Variants in ST6GALNAC3 observed in about 807,000 individuals in gnomAD.
ST6GALNAC3 encodes ST6 N-acetylgalactosaminide alpha-2,6-sialyltransferase 3.
A neutral mutation model predicts 32.7 loss-of-function variants in ST6GALNAC3; 25 were observed. That is an observed-to-expected ratio of 0.76 (90% CI 0.56 to 1.07). ST6GALNAC3 has a LOEUF of 1.07. ST6GALNAC3 is among the 50% of genes least tolerant of loss of function. The pLI is 0.00. For synonymous variants in ST6GALNAC3, 129 were observed against 133.1 expected, an observed-to-expected ratio of 0.97 and a Z score of 0.21; for missense variants, 355 against 382.4, an observed-to-expected ratio of 0.93 and a Z score of 0.60.
rs35306096 is a variant in ST6GALNAC3, at chr1:76,282,866, T to TA, written c.19-30924dup. 1.9e-3 allele frequency among the ~76,000 whole-genome samples: 264 copies of TA among 139,336 alleles called. 3 individuals carry two copies. The highest frequency in any genetic ancestry group is 5.1e-3 in the African/African-American group (194 of 37,734). The allele number at this position is 139,336 out of a possible 152,430, so 91.4% of individuals were successfully genotyped here. ...CAACATGGTGACATCCCATCTCTAC[T>TA]AAAAAAAAAAAAAAATTCAAAAATT... is the stretch of plus-strand genomic sequence containing the variant. On this transcript the variant is annotated intron_variant, in intron 1 of 4. Transcript: ENST00000328299.
chr1:76,516,213 G>A (rs1381109702), intron 3 of ST6GALNAC3, among the ~76,000 whole-genome samples: 1 of 152,146 alleles, frequency 6.6e-6, no homozygotes, highest in Non-Finnish European at 1.5e-5. Context: ...AGGCCAAGAG[G>A]CCTTTCTGAT....
intron 3 of ST6GALNAC3, among the ~76,000 whole-genome samples, chr1:76,604,269 G>T (rs938302539): frequency 6.6e-6 from 1 of 152,128 alleles, no homozygotes; most frequent in African/African-American, 2.4e-5. Flanking sequence ...AGACGTTAAA[G>T]GTTCTGTAAT....
chr1:76,617,360 C>CT (rs564466397), intron 3 of ST6GALNAC3, among the ~76,000 whole-genome samples: 289 of 147,736 alleles, frequency 2.0e-3, no homozygotes, highest in Admixed American at 6.9e-3. Flanking sequence ...CTGTTACAAT[C>CT]TTTTTTTTTT....
At chr1:76,492,324 T>G (rs1210317442) in intron 3 of ST6GALNAC3, among the ~76,000 whole-genome samples, 2 of 152,036 alleles carry the variant, frequency 1.3e-5, no homozygotes, top group Non-Finnish European at 2.9e-5. Flanking sequence ...AATAGTAGAC[T>G]TAATGATGGT....
chr1:76,319,768 C>G (rs896294288), intron 2 of ST6GALNAC3, among the ~76,000 whole-genome samples: 10 of 152,166 alleles, frequency 6.6e-5, no homozygotes, highest in Non-Finnish European at 1.3e-4. Flanking sequence ...GAAAAGGAAA[C>G]AGCTAAATTA....
chr1:76,489,897 A>G (rs1360346206), intron 3 of ST6GALNAC3, among the ~76,000 whole-genome samples: 1 of 152,190 alleles, frequency 6.6e-6, no homozygotes, highest in Non-Finnish European at 1.5e-5. Flanking sequence ...TGTCCTCTTC[A>G]GAGATCCCCC....
At chr1:76,543,723 G>A (rs1664128322) in intron 3 of ST6GALNAC3, among the ~76,000 whole-genome samples, 1 of 152,054 alleles carries the variant, frequency 6.6e-6, no homozygotes, top group African/African-American at 2.4e-5. Context: ...GACTCACAAA[G>A]GCCATTTGCA....
chr1:76,510,023 A>G (rs921887329), intron 3 of ST6GALNAC3, among the ~76,000 whole-genome samples: 2 of 152,198 alleles, frequency 1.3e-5, no homozygotes, highest in Non-Finnish European at 2.9e-5. Context: ...TCCTTTAAGT[A>G]TCAGCCTGAC....
At chr1:76,286,269 G>A (rs1390779567) in intron 1 of ST6GALNAC3, among the ~76,000 whole-genome samples, 3 of 152,148 alleles carry the variant, frequency 2.0e-5, no homozygotes, top group African/African-American at 7.2e-5. Context: ...AGAAGCTTTG[G>A]GAGAAAGGTA....
chr1:76,292,325 A>T (rs534466672), intron 1 of ST6GALNAC3, among the ~76,000 whole-genome samples: 1 of 152,152 alleles, frequency 6.6e-6, no homozygotes, highest in African/African-American at 2.4e-5. Context: ...GAAATGATAC[A>T]CTGATACACC....
chr1:76,384,740 A>C (rs1439731625), intron 2 of ST6GALNAC3, among the ~76,000 whole-genome samples: 3 of 152,104 alleles, frequency 2.0e-5, no homozygotes, highest in Non-Finnish European at 4.4e-5. Context: ...AGATAATGAG[A>C]ACATACACTT....
intron 3 of ST6GALNAC3, among the ~76,000 whole-genome samples, chr1:76,499,706 C>G (rs527262061): frequency 6.6e-6 from 1 of 152,096 alleles, no homozygotes; most frequent in Non-Finnish European, 1.5e-5. Flanking sequence ...TAGAACCTCC[C>G]TCTTAGTGTG....
At chr1:76,095,240 G>A (rs537538410) in intron 1 of ST6GALNAC3, among the ~76,000 whole-genome samples, 2 of 152,058 alleles carry the variant, frequency 1.3e-5, no homozygotes, top group East Asian at 3.9e-4. Context: ...AATGAAATAA[G>A]ATGATATACT....
Position 76,351,641 on chromosome 1 carries a change from A to T in ST6GALNAC3, c.213+37642A>T, listed in dbSNP as rs191689838. Among the ~76,000 whole-genome samples, 465 of 152,226 alleles carry T rather than the reference A, an allele frequency of 3.1e-3. 3 individuals carry two copies. The highest frequency in any genetic ancestry group is 0.01 in the African/African-American group (427 of 41,544). The stretch of plus-strand genomic sequence containing the variant: ...CACTTTAGAATTAAAATATTGCCAA[A>T]TTTATTCTTATAATTAAAATTTTTT... On this transcript the variant is annotated intron_variant, in intron 2 of 4. Coordinates refer to ENST00000328299, the MANE Select transcript of ST6GALNAC3 (RefSeq NM_152996.4).
chr1:76,611,550 C>T (rs992637738), intron 3 of ST6GALNAC3, among the ~76,000 whole-genome samples: 3 of 152,184 alleles, frequency 2.0e-5, no homozygotes, highest in Admixed American at 1.3e-4. Flanking sequence ...ATACCCCTCT[C>T]CTCCCTTCAG....
chr1:76,446,243 A>G (rs944076050), intron 3 of ST6GALNAC3, among the ~76,000 whole-genome samples: 3 of 152,108 alleles, frequency 2.0e-5, no homozygotes, highest in Admixed American at 1.3e-4. Flanking sequence ...TATCCCATAT[A>G]CCCTTATCCC....
intron 3 of ST6GALNAC3, among the ~76,000 whole-genome samples, chr1:76,588,060 G>A (rs771278725): frequency 3.3e-5 from 5 of 152,064 alleles, no homozygotes; most frequent in South Asian, 2.1e-4. Flanking sequence ...CATTTTTACC[G>A]GCAGCCAGTC....
intron 1 of ST6GALNAC3, among the ~76,000 whole-genome samples, chr1:76,104,808 C>A (rs944370135): frequency 2.0e-5 from 3 of 152,114 alleles, no homozygotes; most frequent in Non-Finnish European, 2.9e-5. Context: ...GCCTTACAAT[C>A]GTGGTGGAAG....
At chr1:76,216,551 T>C in intron 1 of ST6GALNAC3, among the ~76,000 whole-genome samples, 1 of 152,220 alleles carries the variant, frequency 6.6e-6, no homozygotes, top group East Asian at 1.9e-4. Flanking sequence ...AATTTGTATC[T>C]TTGAAGGATG....
Sources: gnomAD v4.1 joint callset for allele counts (sites outside exome capture counted in the v4.1 genomes callset) on GRCh38, gnomAD v4.1.1 for gene constraint, MANE v1.5 for transcripts, NCBI Gene and HGNC (gene_info 2026-07-23, HGNC 2026-07-21) for gene names.